TNPO1: variants seen among roughly 807,000 people sequenced by gnomAD.
The protein encoded by TNPO1 is transportin-1.
TNPO1 carries 8 observed loss-of-function variants against 119.5 expected under a neutral mutation model. The ratio of observed to expected loss-of-function variants is 0.07; its 90% CI spans 0.04 to 0.12. The LOEUF (loss-of-function observed/expected upper bound fraction) is 0.12, where lower values mean the gene tolerates loss of function less well. Ranked by LOEUF, TNPO1 falls within the 10% of genes least tolerant of loss-of-function variation. The probability of loss-of-function intolerance (pLI) is 1.00; values close to 1 mark genes in which losing one functional copy is unlikely to be tolerated. For synonymous variants in TNPO1, 362 were observed against 363.0 expected (o/e 1.00, Z 0.03); for missense variants, 576 against 1,089.8 (o/e 0.53, Z 6.64).
intron 1 of TNPO1, among the ~76,000 whole-genome samples, chr5:72,829,435 A>G (rs1338440487): frequency 6.6e-6 from 1 of 152,230 alleles, no homozygotes; most frequent in African/African-American, 2.4e-5. Flanking sequence ...GTGCTCTTTC[A>G]CAGGAGCCCA....
At position 72,865,739 on chromosome 5, in the gene TNPO1, T is replaced by G. The variant is rs1746833938; in HGVS notation, c.596+10T>G. 1 of 1,609,942 alleles carries G rather than the reference T, an allele frequency of 6.2e-7. No individual in the cohort carries two copies. The highest frequency in any genetic ancestry group is 8.5e-7 in the Non-Finnish European group (1 of 1,178,640). On this transcript the variant is annotated intron_variant, in intron 6 of 24. Transcript: ENST00000337273. ...GTAGTCCAAAAATAAGGTACTTATATTGCCAGTACTAATTGATTAACTGTG... is the reference window on the plus strand; with the variant it reads ...GTAGTCCAAAAATAAGGTACTTATAGTGCCAGTACTAATTGATTAACTGTG...
At position 72,847,051 on chromosome 5, in the gene TNPO1, TTTTG is replaced by T. The variant is rs1253035249; in HGVS notation, c.16-1330_16-1327del. ...GGTGGTGATTTTGTTTTGAGTTTTT[TTTTG>T]TTTAAGAACAGTTTATTAGATTGGG... On this transcript the variant is annotated intron_variant, in intron 1 of 24. Transcript: ENST00000337273. 6.6e-5 allele frequency among the ~76,000 whole-genome samples: 10 copies of T among 152,282 alleles called. No individual in the cohort carries two copies. In the East Asian group the frequency reaches 7.7e-4, roughly 12 times the overall value.
intron 1 of TNPO1, among the ~76,000 whole-genome samples, chr5:72,846,233 G>A (rs1314208747): frequency 6.6e-6 from 1 of 152,114 alleles, no homozygotes; most frequent in African/African-American, 2.4e-5. Flanking sequence ...TGTGTTGTTG[G>A]TAGTGGCAAA....
intron 20 of TNPO1, 101 bp downstream of exon 20, chr5:72,897,252 C>A (rs1749496390): frequency 1.3e-6 from 1 of 746,614 alleles, no homozygotes; most frequent in Non-Finnish European, 2.1e-6. Context: ...TAAAATCGAG[C>A]TTATTTTGTA....
chr5:72,821,022 G>A (rs1743933824), intron 1 of TNPO1, among the ~76,000 whole-genome samples: 1 of 152,052 alleles, frequency 6.6e-6, no homozygotes, highest in African/African-American at 2.4e-5. Flanking sequence ...TGGGGAATAA[G>A]AGAAATGAAA....
At chr5:72,886,880 C>T (rs113782431) in intron 11 of TNPO1, among the ~76,000 whole-genome samples, 190 bp from the exon 12 acceptor site, 1,442 of 98,822 alleles carry the variant, frequency 0.015, 11 homozygotes, top group Middle Eastern at 0.024. Flanking sequence ...CAGAACAAGA[C>T]TCCATCTCAA....
chr5:72,878,023 C>T (rs929723953), intron 9 of TNPO1, among the ~76,000 whole-genome samples: 3 of 152,020 alleles, frequency 2.0e-5, no homozygotes, highest in Non-Finnish European at 4.4e-5. Context: ...TTGTTCTTTT[C>T]AGTTATTGTA....
At chr5:72,886,729 T>G (rs1387029337) in intron 11 of TNPO1, among the ~76,000 whole-genome samples, 1 of 151,504 alleles carries the variant, frequency 6.6e-6, no homozygotes, top group East Asian at 1.9e-4. Flanking sequence ...AAACCCCGTC[T>G]CTCCTAAAAA....
In TNPO1 at chr5:72,913,710, A is replaced by G. The variant is rs1383721599; in HGVS notation, c.*5037A>G. On this transcript the variant is annotated 3_prime_UTR_variant, in exon 25 of 25. Transcript: ENST00000337273. ...AAGCCTATTATAACATGGTTAGCCT[A>G]TAAGGCAGTGTTGGTCCCCTTCTAA... 2.6e-5 allele frequency: 4 copies of G among 152,542 alleles called. No homozygotes were observed. Among genetic ancestry groups the G allele is most frequent in the African/African-American group, 7.2e-5 (3 of 41,456 alleles). The allele number at this position is 152,542 out of a possible 1,614,324, so 9.4% of individuals were successfully genotyped here.
At chr5:72,848,264 TG>T in intron 1 of TNPO1, 120 bp from the exon 2 acceptor site, 1 of 1,306,832 alleles carries the variant, frequency 7.7e-7, no homozygotes. Context: ...CCGCGGCGTT[TG>T]GGGAGCGCTG....
chr5:72,893,620 A>C lies in TNPO1; in HGVS notation c.2060A>C (p.Lys687Thr). The C allele has an allele frequency of 1.2e-6, 2 of 1,614,218 alleles. No homozygotes were observed. The highest frequency in any genetic ancestry group is 1.7e-6 in the Non-Finnish European group (2 of 1,180,032). The change falls in exon 18 of 25, where the codon AAA becomes ACA. Residue 687 changes from lysine (K) to threonine (T), a missense_variant. Lys to Thr is a moderately conservative substitution (Grantham distance 78). This residue lies in a region of TNPO1 where 162 missense variants were observed against 294.1 expected (regional missense o/e 0.55). Transcript: ENST00000337273. The stretch of plus-strand genomic sequence containing the variant: ...ATTTCTTCTTATTTCTTGTAGGATA[A>C]AATGCCAGAAGTTCGACAGAGTTCT... The part of the protein sequence containing the change: ...LTLMYQCMQD[K>T]MPEVRQSSFA...
intron 9 of TNPO1, chr5:72,879,068 C>T: frequency 3.9e-6 from 1 of 258,910 alleles, no homozygotes; most frequent in South Asian, 4.3e-5. Context: ...AAAGAGAATT[C>T]TGTTTCACCT....
chr5:72,818,327 C>T (rs1244474834), intron 1 of TNPO1, among the ~76,000 whole-genome samples: 1 of 152,202 alleles, frequency 6.6e-6, no homozygotes, highest in African/African-American at 2.4e-5. Context: ...TGTAAAAATA[C>T]ATGATTCTAG....
chr5:72,844,467 T>C (rs1226915155), intron 1 of TNPO1, among the ~76,000 whole-genome samples: 1 of 152,166 alleles, frequency 6.6e-6, no homozygotes, highest in African/African-American at 2.4e-5. Context: ...GAAAAGATGA[T>C]GGAGCATAAA....
At chr5:72,816,885 A>C in intron 1 of TNPO1, 133 bp downstream of exon 1, 2 of 1,161,080 alleles carry the variant, frequency 1.7e-6, no homozygotes, top group Non-Finnish European at 2.3e-6. Flanking sequence ...CGGCCGTTTG[A>C]AGCCGAGAGG....
At chr5:72,832,996 C>A (rs992421205) in intron 1 of TNPO1, among the ~76,000 whole-genome samples, 2 of 152,118 alleles carry the variant, frequency 1.3e-5, no homozygotes, top group African/African-American at 4.8e-5. Flanking sequence ...GAAATTAATT[C>A]CCATGGCAGT....
chr5:72,895,327 A>G (rs1357295676), intron 18 of TNPO1, among the ~76,000 whole-genome samples: 1 of 144,738 alleles, frequency 6.9e-6, no homozygotes, highest in Non-Finnish European at 1.5e-5. Context: ...TTGTGTACTT[A>G]GTGTACATAG....
At chr5:72,860,183 A>G (rs914689833) in intron 4 of TNPO1, among the ~76,000 whole-genome samples, 6 of 152,164 alleles carry the variant, frequency 3.9e-5, no homozygotes, top group Non-Finnish European at 7.3e-5. Context: ...ACACATGGTG[A>G]TATTTGCTGT....
rs1449191415 is a variant in TNPO1, at chr5:72,905,441, T to C, written c.*31T>C. The C allele has an allele frequency of 6.8e-7, 1 of 1,479,976 alleles. No homozygotes were observed. The allele number at this position is 1,479,976 out of a possible 1,614,324, so 91.7% of individuals were successfully genotyped here. A position where few individuals can be genotyped will look rare whatever the true frequency, so the allele number is the denominator to read the frequency against. On this transcript the variant is annotated 3_prime_UTR_variant, in exon 24 of 25. Coordinates refer to ENST00000337273, the MANE Select transcript of TNPO1 (RefSeq NM_002270.4). ...TACACTTAAGCTGCAGTCCCAAAAT[T>C]AGGGGTAAGTTATAAGAAGTTTGGA...
Sources: allele counts gnomAD v4.1 joint callset (sites outside exome capture counted in the v4.1 genomes callset), GRCh38; gene constraint gnomAD v4.1.1; regional missense constraint gnomAD v4.1.1; transcripts MANE v1.5; gene names NCBI Gene and HGNC (gene_info 2026-07-23, HGNC 2026-07-21).